Variants in CD177 observed in about 807,000 individuals in gnomAD.
CD177 encodes CD177 antigen.
CD177 carries 41 observed loss-of-function variants against 38.1 expected under a neutral mutation model. The ratio of observed to expected loss-of-function variants is 1.07; its 90% CI spans 0.84 to 1.39. The LOEUF (loss-of-function observed/expected upper bound fraction) is 1.39. CD177 is among the 40% of genes most tolerant of loss of function. The probability of loss-of-function intolerance (pLI) is 0.00; values close to 1 mark genes in which losing one functional copy is unlikely to be tolerated. For synonymous variants in CD177, 236 were observed against 216.7 expected (o/e 1.09, Z -0.78); for missense variants, 619 against 523.8 (o/e 1.18, Z -1.77).
At chr19:43,364,296 T>C (rs1970011809), downstream of CD177, among the ~76,000 whole-genome samples, 1 of 152,206 alleles carries the variant, frequency 6.6e-6, no homozygotes, top group Non-Finnish European at 1.5e-5. Flanking sequence ...TGCTTAGAGC[T>C]GCTTTCTTCC....
intron 3 of CD177, 83 bp from the exon 4 acceptor site, chr19:43,355,578 A>C (rs750240770): frequency 3.2e-6 from 5 of 1,577,468 alleles, no homozygotes; most frequent in Non-Finnish European, 4.3e-6. Flanking sequence ...TCTTGAGGCC[A>C]GCAAAAGTGG....
At chr19:43,354,457 G>T in intron 3 of CD177, 65 bp downstream of exon 3, 1 of 1,548,882 alleles carries the variant, frequency 6.5e-7, no homozygotes, top group Middle Eastern at 1.9e-4. Flanking sequence ...GAGCACAGAG[G>T]GGCTGTTACG....
rs1969894598 is a variant in CD177, at chr19:43,354,492, A to G, written c.379+100A>G. ...GGAGTCCCTCCCACCCTCGCTCGCTATCCCGACCCTCGCTGGCTCCATCCC... is the reference window on the plus strand; with the variant it reads ...GGAGTCCCTCCCACCCTCGCTCGCTGTCCCGACCCTCGCTGGCTCCATCCC... On this transcript the variant is annotated intron_variant, in intron 3 of 8. Coordinates refer to ENST00000618265, the MANE Select transcript of CD177 (RefSeq NM_020406.4). The G allele has an allele frequency of 2.4e-6, 3 of 1,271,308 alleles. 1 individual carries two copies. The highest frequency in any genetic ancestry group is 2.5e-4 in the Middle Eastern group (1 of 4,068). The allele number at this position is 1,271,308 out of a possible 1,614,324, so 78.8% of individuals were successfully genotyped here.
At chr19:43,361,950 C>T (rs1351193658) in intron 8 of CD177, 138 bp from the exon 9 acceptor site, 4 of 663,934 alleles carry the variant, frequency 6.0e-6, no homozygotes, top group Admixed American at 3.1e-5. Context: ...GGGGCCTGGA[C>T]CCCTGGGTCT....
In CD177 at chr19:43,362,228, G is replaced by T. The variant is rs751378408; in HGVS notation, c.1222G>T (p.Gly408Cys). ...VQPPASQHEGGGAEGLESLTW... is the reference protein window; with the variant it reads ...VQPPASQHEGCGAEGLESLTW... The stretch of plus-strand genomic sequence containing the variant: ...GCCTCCTGCCTCTCAGCATGAGGGA[G>T]GTGGGGCTGAGGGCCTGGAGTCTCT... The change falls in exon 9 of 9, where the codon GGT becomes TGT. Residue 408 changes from glycine (G) to cysteine (C), a missense_variant. By Grantham distance (159) the Gly-to-Cys change is radical. Coordinates refer to ENST00000618265, the MANE Select transcript of CD177 (RefSeq NM_020406.4). The T allele has an allele frequency of 6.8e-6, 11 of 1,612,216 alleles. No individual in the cohort carries two copies. The South Asian group carries it at 9.9e-5, about 14-fold the overall frequency.
Position 43,356,091 on chromosome 19 carries a change from A to G in CD177, c.602A>G (p.Glu201Gly), listed in dbSNP as rs975928444. ...TQEIGPVGMTENCDMKDFLTC... is the reference protein window; with the variant it reads ...TQEIGPVGMTGNCDMKDFLTC... ...GAAATTGGGCCCGTGGGTATGACTG[A>G]GAACTGCGATATGAAAGGTGAGTCC... The change falls in exon 5 of 9, where the codon GAG becomes GGG. Residue 201 changes from glutamate to glycine, a missense_variant. By Grantham distance (98) the Glu-to-Gly change is moderately conservative. Coordinates refer to ENST00000618265, the MANE Select transcript of CD177 (RefSeq NM_020406.4). The G allele has an allele frequency of 3.2e-6, 2 of 621,486 alleles. No individual in the cohort carries two copies. The highest frequency in any genetic ancestry group is 5.8e-6 in the Non-Finnish European group (2 of 344,038). The allele number at this position is 621,486 out of a possible 1,614,324, so 38.5% of individuals were successfully genotyped here.
intron 2 of CD177, 25 bp downstream of exon 2, chr19:43,354,018 A>AC: frequency 2.5e-6 from 4 of 1,606,908 alleles, no homozygotes; most frequent in Non-Finnish European, 2.5e-6. Flanking sequence ...GCGTGCAGAG[A>AC]CCCCGCCCTG....
chr19:43,355,037 G>A (rs1186798311), intron 3 of CD177, among the ~76,000 whole-genome samples: 1 of 146,680 alleles, frequency 6.8e-6, no homozygotes, highest in Non-Finnish European at 1.5e-5. Context: ...GGCCTCAGCA[G>A]GCCCCTCCTC....
chr19:43,360,410 G>C lies in CD177; in HGVS notation c.760+5G>C, dbSNP rs774472249. 5 of 1,587,358 alleles carry C rather than the reference G, an allele frequency of 3.1e-6. No homozygotes were observed. The South Asian group carries it at 5.7e-5, about 18-fold the overall frequency. The stretch of plus-strand genomic sequence containing the variant: ...CGCTGCTGCTCCTAGATGTAGGTAC[G>C]TGGACTGAGGTAGAAGACGAACACC... On this transcript the variant is annotated splice_donor_5th_base_variant and intron_variant, in intron 6 of 8. Coordinates refer to ENST00000618265, the MANE Select transcript of CD177 (RefSeq NM_020406.4).
At position 43,362,186 on chromosome 19, in the gene CD177, G is replaced by C. The variant is rs1969980330; in HGVS notation, c.1180G>C (p.Glu394Gln). The C allele has an allele frequency of 1.2e-6, 2 of 1,613,534 alleles. No individual in the cohort carries two copies. Reference sequence around the variant, plus strand: ...ACAAATCGGGATCTTCTCTGCGCGTGAGAAGCGTGATGTGCAGCCTCCTGC... The same window carrying C: ...ACAAATCGGGATCTTCTCTGCGCGTCAGAAGCGTGATGTGCAGCCTCCTGC... The part of the protein sequence containing the change: ...TRQIGIFSAR[E>Q]KRDVQPPASQ... The change falls in exon 9 of 9, where the codon GAG (glutamate) becomes CAG (glutamine). Residue 394 changes from glutamate (E) to glutamine (Q), a missense_variant. Transcript: ENST00000618265.
At chr19:43,363,251 G>A (rs1969999901), downstream of CD177, 1 of 152,204 alleles carries the variant, frequency 6.6e-6, no homozygotes, top group Non-Finnish European at 1.5e-5. Context: ...ATTGACATGA[G>A]GGCTTGAGAG....
At chr19:43,363,626 G>A (rs916503689), downstream of CD177, among the ~76,000 whole-genome samples, 3 of 152,182 alleles carry the variant, frequency 2.0e-5, no homozygotes, top group African/African-American at 7.2e-5. Flanking sequence ...CACAGAAGCA[G>A]GAGACTCCAC....
chr19:43,364,421 T>C (rs1970012716), downstream of CD177, among the ~76,000 whole-genome samples: 1 of 152,212 alleles, frequency 6.6e-6, no homozygotes, highest in African/African-American at 2.4e-5. Context: ...TGGCCTTGTC[T>C]TTAGTGGGTT....
rs1326840721 is a variant in CD177 at position 43,362,374 on chromosome 19, C to T, written c.*54C>T. Reference sequence around the variant, plus strand: ...TGCTGACCACCCACACTCAACCTCCCTCTGACCTCATAACCTAATGGCCTT... The same window carrying T: ...TGCTGACCACCCACACTCAACCTCCTTCTGACCTCATAACCTAATGGCCTT... On this transcript the variant is annotated 3_prime_UTR_variant, in exon 9 of 9. Coordinates refer to ENST00000618265, the MANE Select transcript of CD177 (RefSeq NM_020406.4). The T allele has an allele frequency of 5.2e-6, 4 of 769,930 alleles. No individual in the cohort carries two copies. The highest frequency in any genetic ancestry group is 8.4e-6 in the Non-Finnish European group (4 of 474,384). The allele number at this position is 769,930 out of a possible 1,614,324, so 47.7% of individuals were successfully genotyped here.
intron 3 of CD177, among the ~76,000 whole-genome samples, chr19:43,355,114 T>TC (rs1969906498): frequency 9.3e-6 from 1 of 107,088 alleles, no homozygotes; most frequent in Non-Finnish European, 1.9e-5. Context: ...CTTTTTTTTT[T>TC]TTTTTTTTTT....
chr19:43,361,813 C>G (rs1277605535), intron 8 of CD177, among the ~76,000 whole-genome samples: 4 of 143,860 alleles, frequency 2.8e-5, no homozygotes, highest in Non-Finnish European at 6.0e-5. Flanking sequence ...GCCTGGACTC[C>G]TGGTCTGAGG....
chr19:43,356,223 G>A (rs1188539156), intron 5 of CD177, 115 bp downstream of exon 5: 3 of 289,400 alleles, frequency 1.0e-5, no homozygotes, highest in Non-Finnish European at 1.8e-5. Context: ...GGTGCAGGGT[G>A]GGTTGCTTGG....
chr19:43,362,164 A>G lies in CD177; in HGVS notation c.1158A>G (p.Gln386=), dbSNP rs763313723. The change falls in exon 9 of 9, where the codon CAA becomes CAG. Residue 386 remains glutamine (Q), a synonymous_variant. Coordinates refer to ENST00000618265, the MANE Select transcript of CD177 (RefSeq NM_020406.4). ...GCTTCTTGTTGAACCACACCAGACA[A>G]ATCGGGATCTTCTCTGCGCGTGAGA... ...PSSFLLNHTR[Q]IGIFSAREKR... 1 of 1,613,630 alleles carries G rather than the reference A, an allele frequency of 6.2e-7. No homozygotes were observed. Among genetic ancestry groups the G allele is most frequent in the Non-Finnish European group, 8.5e-7 (1 of 1,179,732 alleles).
At chr19:43,364,151 T>G (rs185380080), downstream of CD177, among the ~76,000 whole-genome samples, 160 of 152,310 alleles carry the variant, frequency 1.1e-3, no homozygotes, top group Non-Finnish European at 1.5e-3. Context: ...TCTGTCACAG[T>G]AACAGTGTGT....
Sources: gnomAD v4.1 joint callset for allele counts (sites outside exome capture counted in the v4.1 genomes callset) on GRCh38, gnomAD v4.1.1 for gene constraint, MANE v1.5 for transcripts, NCBI Gene and HGNC (gene_info 2026-07-23, HGNC 2026-07-21) for gene names.